Variants in PRRC2C observed in about 807,000 individuals in gnomAD.
The protein encoded by PRRC2C is protein PRRC2C.
Under a neutral mutation model 317.2 loss-of-function variants are expected in PRRC2C, and 72 were observed. The observed-to-expected ratio is 0.23, with a 90% CI of 0.19 to 0.28. The LOEUF is 0.28. PRRC2C is among the 10% of genes least tolerant of loss of function. The pLI is 1.00. For missense variants in PRRC2C, 3,074 were observed against 3,459.7 expected (o/e 0.89, Z 2.80); for synonymous variants, 1,296 against 1,205.9 (o/e 1.07, Z -1.55).
chr1:171,535,799 C>CA (rs527836380), intron 13 of PRRC2C, among the ~76,000 whole-genome samples: 10 of 152,310 alleles, frequency 6.6e-5, no homozygotes, highest in African/African-American at 2.2e-4. Context: ...CATTTATAGA[C>CA]ACCATCTTCC....
At chr1:171,559,868 G>A (rs1045599451) in intron 19 of PRRC2C, among the ~76,000 whole-genome samples, 3 of 152,028 alleles carry the variant, frequency 2.0e-5, no homozygotes, top group African/African-American at 7.2e-5. Flanking sequence ...TGCTCAGGGG[G>A]AAAAATGCTC....
At chr1:171,545,955 AAG>A (rs1302627181) in intron 17 of PRRC2C, among the ~76,000 whole-genome samples, 1 of 152,184 alleles carries the variant, frequency 6.6e-6, no homozygotes, top group Non-Finnish European at 1.5e-5. Flanking sequence ...TCTTCCAAAA[AAG>A]AGGAAGAAAA....
intron 2 of PRRC2C, chr1:171,512,791 C>A: frequency 2.3e-6 from 1 of 434,496 alleles, no homozygotes; most frequent in Non-Finnish European, 4.0e-6. Context: ...TTTAAGGAAT[C>A]TGTTAAATGC....
intron 25 of PRRC2C, among the ~76,000 whole-genome samples, chr1:171,576,859 T>C (rs993907328): frequency 4.6e-5 from 7 of 152,236 alleles, no homozygotes; most frequent in African/African-American, 1.7e-4. Flanking sequence ...CAACTAATTT[T>C]TTAATTTTGT....
chr1:171,522,387 A>G lies in PRRC2C; in HGVS notation c.833+128A>G, dbSNP rs1269634840. On this transcript the variant is annotated intron_variant, in intron 7 of 34. Transcript: ENST00000647382. ...TTCCTATCCTCACAGTACAGTTGTC[A>G]TTAGTAAATAATTGGCTAACTCTTA... The G allele has an allele frequency of 1.0e-4, 49 of 490,718 alleles. No homozygotes were observed. In the East Asian group the frequency reaches 1.5e-3, roughly 15 times the overall value. 30.4% of individuals were successfully genotyped at this position (490,718 alleles called of 1,614,324 possible).
chr1:171,558,006 C>T lies in PRRC2C; in HGVS notation c.5894C>T (p.Ala1965Val), dbSNP rs1023198300. ...QPPPSIRLPS[A>V]QTPNGTDYVA... ...CCACCATCAATTAGGCTGCCTTCAGCTCAAACACCTAATGGCACAGATTAT... is the reference window on the plus strand; with the variant it reads ...CCACCATCAATTAGGCTGCCTTCAGTTCAAACACCTAATGGCACAGATTAT... The change falls in exon 19 of 35, where the codon GCT becomes GTT. Residue 1965 changes from alanine (A) to valine (V), a missense_variant. Around this residue, in one of 11 missense-constraint regions of PRRC2C, gnomAD observed 640 missense variants for 676.1 expected, o/e 0.95. Transcript: ENST00000647382. 1.2e-6 allele frequency: 2 copies of T among 1,613,994 alleles called. No homozygotes were observed. Among genetic ancestry groups the T allele is most frequent in the Non-Finnish European group, 8.5e-7 (1 of 1,179,886 alleles).
intron 19 of PRRC2C, among the ~76,000 whole-genome samples, chr1:171,559,214 T>A (rs1682076197): frequency 6.6e-6 from 1 of 152,250 alleles, no homozygotes; most frequent in African/African-American, 2.4e-5. Context: ...TGAAGGTGGC[T>A]ACATTAAATA....
chr1:171,590,842 A>G (rs1651262527), intron 34 of PRRC2C, among the ~76,000 whole-genome samples: 1 of 152,216 alleles, frequency 6.6e-6, no homozygotes, highest in South Asian at 2.1e-4. Flanking sequence ...TGGAAATAAC[A>G]TTAGAGCTTA....
At chr1:171,513,410 G>A in intron 3 of PRRC2C, 1 of 598,634 alleles carries the variant, frequency 1.7e-6, no homozygotes. Flanking sequence ...TTATGTCATA[G>A]CCTTTATTAG....
chr1:171,569,171 A>G (rs1684236505), intron 23 of PRRC2C, among the ~76,000 whole-genome samples: 1 of 152,156 alleles, frequency 6.6e-6, no homozygotes, highest in South Asian at 2.1e-4. Context: ...TGTTTTAAAT[A>G]TAGCCTTCTG....
chr1:171,510,171 C>T (rs1483825529), intron 1 of PRRC2C: 4 of 152,066 alleles, frequency 2.6e-5, no homozygotes, highest in Admixed American at 1.3e-4. Flanking sequence ...TTCTGCGAAC[C>T]GCAGTAGCAG....
chr1:171,581,316 T>G (rs235491), intron 28 of PRRC2C, among the ~76,000 whole-genome samples: 121,647 of 152,166 alleles, frequency 0.8, 48,773 homozygotes, highest in Middle Eastern at 0.89. Flanking sequence ...CAGTCTCCTT[T>G]TAAATTGTAT....
Position 171,501,772 on chromosome 1 carries a change from T to C in PRRC2C, c.-57-10260T>C, listed in dbSNP as rs1445929180. Among the ~76,000 whole-genome samples the C allele has an allele frequency of 5.9e-5, 9 of 152,340 alleles. No individual in the cohort carries two copies. The East Asian group carries it at 1.5e-3, about 26-fold the overall frequency. ...TGTGGATGGGTTTTGAAATCAGAGC[T>C]GGCAAGCTGAAGGCAAATGCTACTG... On this transcript the variant is annotated intron_variant, in intron 1 of 34. Coordinates refer to ENST00000647382, the MANE Select transcript of PRRC2C (RefSeq NM_001387844.1).
At chr1:171,548,839 T>A (rs1679655026) in intron 17 of PRRC2C, among the ~76,000 whole-genome samples, 1 of 152,190 alleles carries the variant, frequency 6.6e-6, no homozygotes, top group African/African-American at 2.4e-5. Flanking sequence ...ACACATTTAT[T>A]TTAATTAATT....
chr1:171,541,748 A>G lies in PRRC2C; in HGVS notation c.4282A>G (p.Thr1428Ala), dbSNP rs553652963. The change falls in exon 16 of 35, where the codon ACT becomes GCT. Residue 1428 changes from threonine (T) to alanine (A), a missense_variant. By Grantham distance (58) the Thr-to-Ala change is moderately conservative (BLOSUM62 0). This residue lies in a region of PRRC2C where 1,320 missense variants were observed against 1,395.7 expected (regional missense o/e 0.95). Coordinates refer to ENST00000647382, the MANE Select transcript of PRRC2C (RefSeq NM_001387844.1). The surrounding 1 kb of genome is among the most constrained non-coding windows in gnomAD (Gnocchi z 4.1). ...AGAAAGGCCTCGAAGGCAGCGTCCTACTCGACCACCAAGGCAAGACAAGCC... is the reference window on the plus strand; with the variant it reads ...AGAAAGGCCTCGAAGGCAGCGTCCTGCTCGACCACCAAGGCAAGACAAGCC... Reference protein sequence around the residue: ...ARERPRRQRPTRPPRQDKPPR... With the variant: ...ARERPRRQRPARPPRQDKPPR... 58 of 1,613,968 alleles carry G rather than the reference A, an allele frequency of 3.6e-5. No homozygotes were observed. The highest frequency in any genetic ancestry group is 1.6e-4 in the Middle Eastern group (1 of 6,062).
At chr1:171,535,128 A>C (rs1676578077) in intron 12 of PRRC2C, among the ~76,000 whole-genome samples, 1 of 152,188 alleles carries the variant, frequency 6.6e-6, no homozygotes, top group South Asian at 2.1e-4. Flanking sequence ...ACAAATAAAA[A>C]ATATGTGGAG....
At chr1:171,552,687 T>A (rs764468596) in intron 18 of PRRC2C, among the ~76,000 whole-genome samples, 1 of 152,232 alleles carries the variant, frequency 6.6e-6, no homozygotes, top group African/African-American at 2.4e-5. Context: ...TATTGAATTT[T>A]GTCGAAGGCC....
chr1:171,548,490 A>G (rs999812872), intron 17 of PRRC2C, among the ~76,000 whole-genome samples: 2 of 152,234 alleles, frequency 1.3e-5, no homozygotes, highest in African/African-American at 4.8e-5. Flanking sequence ...CGTTTCCAAG[A>G]AAAATATTTT....
intron 1 of PRRC2C, among the ~76,000 whole-genome samples, chr1:171,486,457 T>TA (rs1241048513): frequency 2.6e-5 from 4 of 152,294 alleles, no homozygotes; most frequent in African/African-American, 9.6e-5. Context: ...GGCCCCGTTT[T>TA]AGGACTGAAG....
Sources: allele counts gnomAD v4.1 joint callset (sites outside exome capture counted in the v4.1 genomes callset), GRCh38; gene constraint gnomAD v4.1.1; regional missense constraint gnomAD v4.1.1; non-coding constraint Gnocchi (gnomAD v3.1); transcripts MANE v1.5; gene names NCBI Gene and HGNC (gene_info 2026-07-23, HGNC 2026-07-21).